Variants in MGAT4C observed in about 807,000 individuals in gnomAD.
MGAT4C encodes the protein alpha-1,3-mannosyl-glycoprotein 4-beta-N-acetylglucosaminyltransferase C.
A neutral mutation model predicts 40.1 loss-of-function variants in MGAT4C; 19 were observed. The ratio of observed to expected loss-of-function variants is 0.47; its 90% CI spans 0.33 to 0.70. The LOEUF is 0.70. Ranked by LOEUF, MGAT4C falls within the 30% of genes least tolerant of loss-of-function variation. The pLI is 0.02. For synonymous variants in MGAT4C, 181 were observed against 187.1 expected (o/e 0.97, Z 0.27); for missense variants, 491 against 563.2 (o/e 0.87, Z 1.30).
chr12:86,272,873 T>A (rs1042844687), intron 4 of MGAT4C, among the ~76,000 whole-genome samples: 2 of 151,946 alleles, frequency 1.3e-5, no homozygotes, highest in African/African-American at 2.4e-5. Context: ...ATAAATAAAT[T>A]AAATTAATTA....
At chr12:86,703,312 A>T (rs1177257884) in intron 2 of MGAT4C, among the ~76,000 whole-genome samples, 1 of 152,240 alleles carries the variant, frequency 6.6e-6, no homozygotes, top group Non-Finnish European at 1.5e-5. Context: ...TCCAATTTTG[A>T]AAGTTCTATT....
At chr12:86,168,037 C>T (rs539692154) in intron 1 of MGAT4C, among the ~76,000 whole-genome samples, 2 of 152,244 alleles carry the variant, frequency 1.3e-5, no homozygotes, top group Non-Finnish European at 2.9e-5. Context: ...CAACTAATGC[C>T]TTTTAATGGT....
chr12:86,466,598 G>A (rs1237266234), intron 2 of MGAT4C, among the ~76,000 whole-genome samples: 2 of 152,174 alleles, frequency 1.3e-5, no homozygotes, highest in Non-Finnish European at 2.9e-5. Context: ...TTGTTCAGTA[G>A]AATACTATAA....
intron 4 of MGAT4C, among the ~76,000 whole-genome samples, chr12:85,980,756 C>T (rs61929429): frequency 1.3e-5 from 2 of 151,808 alleles, no homozygotes. Flanking sequence ...CTCATATACG[C>T]CCATTAGAGA....
At chr12:86,511,701 GA>G (rs34093664) in intron 2 of MGAT4C, among the ~76,000 whole-genome samples, 3 of 150,990 alleles carry the variant, frequency 2.0e-5, no homozygotes, top group South Asian at 2.1e-4. Context: ...TATCCATATG[GA>G]AAAAAAAATT....
chr12:86,640,125 C>G (rs1221093110), intron 2 of MGAT4C, among the ~76,000 whole-genome samples: 3 of 151,416 alleles, frequency 2.0e-5, no homozygotes, highest in Middle Eastern at 3.4e-3. Context: ...CACATTGCAC[C>G]CCATAAATAT....
At chr12:86,333,146 T>C (rs1364808886) in intron 4 of MGAT4C, among the ~76,000 whole-genome samples, 4 of 152,154 alleles carry the variant, frequency 2.6e-5, no homozygotes, top group African/African-American at 7.2e-5. Context: ...TAGGATTCCT[T>C]CTAAGTCACT....
intron 1 of MGAT4C, among the ~76,000 whole-genome samples, chr12:86,146,833 CTT>C (rs10709270): frequency 0.64 from 95,962 of 150,352 alleles, 30,863 homozygotes; most frequent in South Asian, 0.71. Flanking sequence ...TAATTCTCTC[CTT>C]TTTTTTTTTT....
intron 3 of MGAT4C, among the ~76,000 whole-genome samples, chr12:86,347,423 A>C (rs535583593): frequency 6.6e-6 from 1 of 152,312 alleles, no homozygotes; most frequent in East Asian, 1.9e-4. Flanking sequence ...TTCGTGACTT[A>C]TAGAGAAATA....
intron 2 of MGAT4C, among the ~76,000 whole-genome samples, chr12:86,459,590 C>T (rs1008621234): frequency 6.6e-6 from 1 of 151,938 alleles, no homozygotes; most frequent in East Asian, 1.9e-4. Flanking sequence ...GAAGAGAACC[C>T]TAAGTTTCAG....
chr12:86,280,333 A>AT (rs1453517737), intron 4 of MGAT4C, among the ~76,000 whole-genome samples: 2 of 151,950 alleles, frequency 1.3e-5, no homozygotes, highest in African/African-American at 4.8e-5. Flanking sequence ...TGTTGGGTGC[A>AT]TATATATTTA....
At chr12:86,497,348 AAGG>A (rs892517666) in intron 2 of MGAT4C, among the ~76,000 whole-genome samples, 3 of 151,990 alleles carry the variant, frequency 2.0e-5, no homozygotes, top group African/African-American at 7.2e-5. Context: ...ATGCTTTGAC[AAGG>A]AGAAGAAATT....
intron 2 of MGAT4C, among the ~76,000 whole-genome samples, chr12:86,662,786 C>A (rs1298538502): frequency 1.3e-5 from 2 of 152,100 alleles, no homozygotes; most frequent in African/African-American, 2.4e-5. Context: ...ACTCTTTAAT[C>A]ATAAACTAAT....
rs544730898 is a variant in MGAT4C at position 86,764,764 on chromosome 12, G to C, written c.-261-37523C>G. Among the ~76,000 whole-genome samples the C allele has an allele frequency of 5.5e-3, 844 of 152,292 alleles. 3 individuals carry two copies. Among genetic ancestry groups the C allele is most frequent in the Non-Finnish European group, 9.0e-3 (610 of 68,028 alleles). On this transcript the variant is annotated intron_variant, in intron 1 of 7. Transcript: ENST00000548651. ...GATACCCAGGCAAACAGGGTCTGGA[G>C]TGGACCTCTAGCAAACTCCAACAGA...
rs1883638206 is a variant in MGAT4C, at chr12:85,971,896, T to C, written c.*7393A>G. 6.6e-6 allele frequency: 1 copy of C among 151,206 alleles called. No homozygotes were observed. The highest frequency in any genetic ancestry group is 1.5e-5 in the Non-Finnish European group (1 of 67,312). 9.4% of individuals were successfully genotyped at this position (151,206 alleles called of 1,614,324 possible). On this transcript the variant is annotated 3_prime_UTR_variant, in exon 5 of 5. Coordinates refer to ENST00000611864, the MANE Select transcript of MGAT4C (RefSeq NM_001351288.2). ...ATAATTGAAAGGAGTACTTTGTCAA[T>C]AGTCAGAATTGAATGAGAGATAGGT...
At chr12:86,408,644 T>C (rs1204248797) in intron 3 of MGAT4C, among the ~76,000 whole-genome samples, 2 of 151,318 alleles carry the variant, frequency 1.3e-5, no homozygotes, top group African/African-American at 4.9e-5. Flanking sequence ...ACAAATACTA[T>C]TGAAAGATTT....
intron 2 of MGAT4C, among the ~76,000 whole-genome samples, chr12:86,626,600 G>A (rs11616058): frequency 0.087 from 13,288 of 152,160 alleles, 953 homozygotes; most frequent in African/African-American, 0.2. Context: ...GCTATAAAAT[G>A]TATTTATTTA....
intron 2 of MGAT4C, among the ~76,000 whole-genome samples, chr12:86,560,694 G>A (rs1328473630): frequency 6.6e-6 from 1 of 151,920 alleles, no homozygotes; most frequent in East Asian, 1.9e-4. Flanking sequence ...ACTGAACTGG[G>A]AAAAGCTGAA....
At chr12:86,742,684 G>T (rs769170519) in intron 1 of MGAT4C, among the ~76,000 whole-genome samples, 18 of 151,408 alleles carry the variant, frequency 1.2e-4, no homozygotes, top group South Asian at 2.1e-4. Context: ...TTGTTATGCA[G>T]CATTATCCTG....
Sources: allele counts gnomAD v4.1 joint callset (sites outside exome capture counted in the v4.1 genomes callset), GRCh38; gene constraint gnomAD v4.1.1; transcripts MANE v1.5; gene names NCBI Gene and HGNC (gene_info 2026-07-23, HGNC 2026-07-21).